The following LMO7 variants were observed in gnomAD, a reference collection of about 807,000 sequenced individuals.
The protein encoded by LMO7 is LIM domain only protein 7.
A neutral mutation model predicts 206.5 loss-of-function variants in LMO7; 120 were observed. The observed-to-expected ratio is 0.58, with a 90% CI of 0.50 to 0.68. LMO7 has a LOEUF of 0.68. Ranked by LOEUF, LMO7 falls within the 30% of genes least tolerant of loss-of-function variation. The pLI, the probability that LMO7 is intolerant of heterozygous loss-of-function variation, is 0.00. For synonymous variants in LMO7, 706 were observed against 681.5 expected (o/e 1.04, Z -0.56); for missense variants, 1,959 against 1,957.9 (o/e 1.00, Z -0.01).
intron 3 of LMO7, among the ~76,000 whole-genome samples, chr13:75,728,043 G>T (rs909945945): frequency 7.9e-5 from 12 of 152,046 alleles, no homozygotes; most frequent in African/African-American, 2.9e-4. Context: ...CATTTGGGTT[G>T]GTTCCAAGTC....
chr13:75,704,900 C>A (rs1594390864), intron 1 of LMO7, among the ~76,000 whole-genome samples: 2 of 152,324 alleles, frequency 1.3e-5, no homozygotes, highest in South Asian at 4.1e-4. Context: ...AATGAATACA[C>A]CTCATAGCTA....
intron 1 of LMO7, among the ~76,000 whole-genome samples, chr13:75,695,439 C>T (rs1342334072): frequency 5.9e-5 from 9 of 152,212 alleles, no homozygotes; most frequent in Non-Finnish European, 1.2e-4. Flanking sequence ...CTCCGCCTCC[C>T]GGGTTCAAGC....
intron 11 of LMO7, among the ~76,000 whole-genome samples, chr13:75,814,546 A>C (rs2056784062): frequency 6.6e-6 from 1 of 152,230 alleles, no homozygotes; most frequent in African/African-American, 2.4e-5. Context: ...AATATTATCT[A>C]GATCATTAAT....
At chr13:75,780,269 G>T (rs1490246325) in intron 4 of LMO7, among the ~76,000 whole-genome samples, 2 of 152,182 alleles carry the variant, frequency 1.3e-5, no homozygotes, top group African/African-American at 4.8e-5. Context: ...AAGCCTGGGG[G>T]TGCTGCAGGA....
chr13:75,829,715 T>C (rs971697642), intron 15 of LMO7, among the ~76,000 whole-genome samples: 3 of 151,988 alleles, frequency 2.0e-5, no homozygotes, highest in African/African-American at 7.2e-5. Context: ...TTTTTTTAAA[T>C]TCTATCTATG....
intron 4 of LMO7, among the ~76,000 whole-genome samples, chr13:75,783,075 T>A (rs2051793572): frequency 6.6e-6 from 1 of 152,208 alleles, no homozygotes; most frequent in Non-Finnish European, 1.5e-5. Context: ...TGGAATCTTT[T>A]TCTGTAGCTA....
At chr13:75,848,428 C>T (rs571202280) in intron 26 of LMO7, among the ~76,000 whole-genome samples, 27 of 62,526 alleles carry the variant, frequency 4.3e-4, no homozygotes, top group South Asian at 2.2e-3. Flanking sequence ...GTATTCCATG[C>T]GATTATCTAT....
At chr13:75,722,947 C>T (rs1362221749) in intron 2 of LMO7, among the ~76,000 whole-genome samples, 3 of 152,040 alleles carry the variant, frequency 2.0e-5, no homozygotes, top group African/African-American at 7.2e-5. Flanking sequence ...TGTTCTCACT[C>T]ATAAGTGGGA....
intron 2 of LMO7, among the ~76,000 whole-genome samples, chr13:75,713,961 G>A (rs2043318779): frequency 6.6e-6 from 1 of 152,182 alleles, no homozygotes; most frequent in South Asian, 2.1e-4. Flanking sequence ...GAAGGTAGAG[G>A]TTGCAGAAGC....
At chr13:75,726,891 T>C in intron 2 of LMO7, 138 bp from the exon 3 acceptor site, 1 of 646,602 alleles carries the variant, frequency 1.5e-6, no homozygotes. Flanking sequence ...TCTTGGTTAT[T>C]TGCTTTTTGA....
chr13:75,720,243 G>T (rs1406871590), intron 2 of LMO7, among the ~76,000 whole-genome samples: 2 of 152,058 alleles, frequency 1.3e-5, no homozygotes, highest in Non-Finnish European at 2.9e-5. Flanking sequence ...TCCTTTTTCA[G>T]ATATGTCTTT....
intron 2 of LMO7, among the ~76,000 whole-genome samples, chr13:75,718,092 C>A (rs34726707): frequency 0.029 from 4,438 of 152,258 alleles, 89 homozygotes; most frequent in Middle Eastern, 0.058. Context: ...CACTTAATGG[C>A]AGTATTTTAT....
At chr13:75,796,491 T>G (rs1376798541) in intron 5 of LMO7, 145 bp from the exon 6 acceptor site, 2 of 586,720 alleles carry the variant, frequency 3.4e-6, no homozygotes, top group Non-Finnish European at 6.0e-6. Flanking sequence ...GACTTTTACC[T>G]TTCCCATAAA....
At chr13:75,849,643 C>G (rs1289701407) in intron 27 of LMO7, among the ~76,000 whole-genome samples, 1 of 152,034 alleles carries the variant, frequency 6.6e-6, no homozygotes, top group Non-Finnish European at 1.5e-5. Flanking sequence ...TTAGAACTTT[C>G]TTGGCTGCTG....
intron 1 of LMO7, among the ~76,000 whole-genome samples, chr13:75,669,397 A>C (rs1488576610): frequency 6.6e-6 from 1 of 152,104 alleles, no homozygotes; most frequent in Non-Finnish European, 1.5e-5. Flanking sequence ...CCAAATCTGT[A>C]TGTTATCCGC....
intron 15 of LMO7, among the ~76,000 whole-genome samples, chr13:75,826,765 G>A (rs1221818402): frequency 1.3e-5 from 2 of 152,104 alleles, no homozygotes; most frequent in Admixed American, 6.5e-5. Flanking sequence ...GTCCAAGGCC[G>A]TGCAGGGTAC....
At position 75,750,136 on chromosome 13, in the gene LMO7, T is replaced by C. The variant is rs4884017; in HGVS notation, c.211-10796T>C. The stretch of plus-strand genomic sequence containing the variant: ...AGAAACGGTATAATTAAAATGCAAA[T>C]TTGGATATATTTTAGTCACCCTGCT... On this transcript the variant is annotated intron_variant, in intron 3 of 30. Transcript: ENST00000377534. Among the ~76,000 whole-genome samples the C allele has an allele frequency of 2.0e-3, 307 of 151,912 alleles. 1 individual carries two copies. Among genetic ancestry groups the C allele is most frequent in the Admixed American group, 7.3e-3 (111 of 15,254 alleles).
At chr13:75,673,318 A>G (rs1477366452) in intron 1 of LMO7, among the ~76,000 whole-genome samples, 2 of 152,178 alleles carry the variant, frequency 1.3e-5, no homozygotes, top group East Asian at 3.9e-4. Flanking sequence ...GTAAATCCAG[A>G]TGAAAATATG....
At chr13:75,639,322 T>TA (rs963943790) in intron 1 of LMO7, among the ~76,000 whole-genome samples, 1 of 152,220 alleles carries the variant, frequency 6.6e-6, no homozygotes, top group African/African-American at 2.4e-5. Context: ...TGAGTATATA[T>TA]AAAAATTGGT....
Sources: gnomAD v4.1 joint callset for allele counts (sites outside exome capture counted in the v4.1 genomes callset) on GRCh38, gnomAD v4.1.1 for gene constraint, MANE v1.5 for transcripts, NCBI Gene and HGNC (gene_info 2026-07-23, HGNC 2026-07-21) for gene names.